TDRD7: variants seen among roughly 807,000 people sequenced by gnomAD.
TDRD7 encodes tudor domain-containing protein 7.
In TDRD7, 47 loss-of-function variants were observed where a neutral mutation model predicts 109.8. That is an observed-to-expected ratio of 0.43 (90% CI 0.34 to 0.55). The LOEUF (loss-of-function observed/expected upper bound fraction) is 0.55, where lower values mean the gene tolerates loss of function less well. TDRD7 is among the 20% of genes least tolerant of loss of function. TDRD7 has a pLI of 0.03. For synonymous variants in TDRD7, 424 were observed against 457.3 expected (o/e 0.93, Z 0.93); for missense variants, 1,164 against 1,319.2 (o/e 0.88, Z 1.82).
intron 16 of TDRD7, among the ~76,000 whole-genome samples, chr9:97,488,469 T>C (rs1829248359): frequency 2.6e-5 from 4 of 152,124 alleles, no homozygotes; most frequent in Admixed American, 2.6e-4. Context: ...AATCCTATGG[T>C]AATTGGATAT....
At chr9:97,421,629 G>A (rs1055739401) in intron 1 of TDRD7, among the ~76,000 whole-genome samples, 3 of 151,410 alleles carry the variant, frequency 2.0e-5, no homozygotes, top group Admixed American at 1.3e-4. Flanking sequence ...TCACTCTGTC[G>A]CACCATGACG....
intron 11 of TDRD7, 132 bp from the exon 12 acceptor site, chr9:97,475,251 T>C: frequency 2.7e-6 from 2 of 735,784 alleles, no homozygotes; most frequent in Non-Finnish European, 4.9e-6. Flanking sequence ...GTGTGTTTGC[T>C]GCATCCATTG....
chr9:97,417,100 G>T (rs954835140), intron 1 of TDRD7, among the ~76,000 whole-genome samples: 21 of 152,138 alleles, frequency 1.4e-4, no homozygotes, highest in Non-Finnish European at 2.9e-5. Flanking sequence ...TGAGCCACAT[G>T]TGCCCCTGGA....
intron 10 of TDRD7, among the ~76,000 whole-genome samples, chr9:97,473,136 T>C (rs1459325499): frequency 1.3e-5 from 2 of 152,240 alleles, no homozygotes; most frequent in African/African-American, 4.8e-5. Context: ...TTATTTTCAC[T>C]TCTGTTAATG....
intron 16 of TDRD7, among the ~76,000 whole-genome samples, chr9:97,491,459 C>T (rs960093497): frequency 5.3e-5 from 8 of 152,186 alleles, no homozygotes; most frequent in African/African-American, 1.9e-4. Flanking sequence ...ACTTGTAGTT[C>T]TTTGTTGAAA....
intron 4 of TDRD7, among the ~76,000 whole-genome samples, chr9:97,436,736 A>G (rs1276075404): frequency 6.6e-6 from 1 of 151,952 alleles, no homozygotes; most frequent in Non-Finnish European, 1.5e-5. Context: ...AATTTATTTT[A>G]TTTTATAGTG....
intron 16 of TDRD7, among the ~76,000 whole-genome samples, chr9:97,494,120 G>A (rs1232199788): frequency 6.6e-6 from 1 of 152,262 alleles, no homozygotes; most frequent in African/African-American, 2.4e-5. Flanking sequence ...GATTGGGGAA[G>A]TGATAAGTGT....
chr9:97,430,109 T>TTA (rs1828074382), intron 2 of TDRD7, among the ~76,000 whole-genome samples: 1 of 152,232 alleles, frequency 6.6e-6, no homozygotes, highest in African/African-American at 2.4e-5. Context: ...TGATTTCAAA[T>TTA]TAGAGTCAAA....
chr9:97,481,069 TCAG>T lies in TDRD7; in HGVS notation c.2412+134_2412+136del, dbSNP rs1359164489. On this transcript the variant is annotated intron_variant, in intron 14 of 16. Coordinates refer to ENST00000355295, the MANE Select transcript of TDRD7 (RefSeq NM_014290.3). The stretch of plus-strand genomic sequence containing the variant: ...TCCACATCCAACACATTTTTTATAT[TCAG>T]CAAATTGGCTACATGTGTAGCTGTA... The T allele has an allele frequency of 1.7e-5, 13 of 777,000 alleles. No individual in the cohort carries two copies. In the African/African-American group the frequency reaches 2.2e-4, roughly 13 times the overall value. The allele number at this position is 777,000 out of a possible 1,614,324, so 48.1% of individuals were successfully genotyped here. A position where few individuals can be genotyped will look rare whatever the true frequency, so the allele number is the denominator to read the frequency against.
intron 2 of TDRD7, among the ~76,000 whole-genome samples, chr9:97,429,730 A>G (rs960946922): frequency 3.3e-5 from 5 of 152,176 alleles, no homozygotes; most frequent in Non-Finnish European, 7.4e-5. Context: ...CCGTTATCAC[A>G]CTTGACACAA....
intron 15 of TDRD7, 77 bp from the exon 16 acceptor site, chr9:97,487,095 A>G (rs930417436): frequency 2.0e-6 from 3 of 1,468,074 alleles, no homozygotes; most frequent in Non-Finnish European, 1.9e-6. Context: ...TCTTTTTATC[A>G]TAAAATATTT....
intron 12 of TDRD7, among the ~76,000 whole-genome samples, chr9:97,476,138 C>A (rs1181177317): frequency 1.3e-5 from 2 of 152,108 alleles, no homozygotes; most frequent in Non-Finnish European, 2.9e-5. Context: ...TGCTTAATTG[C>A]TCTCCAAAGT....
At chr9:97,431,958 G>C in intron 3 of TDRD7, 67 bp from the exon 4 acceptor site, 1 of 1,368,962 alleles carries the variant, frequency 7.3e-7, no homozygotes, top group Non-Finnish European at 1.0e-6. Context: ...CTGGTCAGGG[G>C]AGTGTCATAA....
Position 97,425,886 on chromosome 9 carries a change from A to G in TDRD7, c.-6-2574A>G, listed in dbSNP as rs146814032. Reference sequence around the variant, plus strand: ...AAACCTAGACAGTAGAACCTACCACACAACTGAGCTATGTGGTATATAGCC... The same window carrying G: ...AAACCTAGACAGTAGAACCTACCACGCAACTGAGCTATGTGGTATATAGCC... On this transcript the variant is annotated intron_variant, in intron 1 of 16. Coordinates refer to ENST00000355295, the MANE Select transcript of TDRD7 (RefSeq NM_014290.3). Among the ~76,000 whole-genome samples the G allele has an allele frequency of 1.5e-3, 223 of 152,318 alleles. 1 individual carries two copies. The highest frequency in any genetic ancestry group is 5.2e-3 in the African/African-American group (218 of 41,572).
intron 9 of TDRD7, 51 bp from the exon 10 acceptor site, chr9:97,472,242 T>C: frequency 1.3e-6 from 2 of 1,514,110 alleles, no homozygotes; most frequent in Admixed American, 3.3e-5. Context: ...CTATTCATCT[T>C]GAAATGATTT....
At chr9:97,490,495 T>C (rs1347117443) in intron 16 of TDRD7, among the ~76,000 whole-genome samples, 7 of 148,074 alleles carry the variant, frequency 4.7e-5, no homozygotes, top group South Asian at 2.2e-4. Context: ...TCAAGACTTT[T>C]GTTCATCTTT....
intron 15 of TDRD7, 93 bp downstream of exon 15, chr9:97,483,444 G>C: frequency 7.1e-7 from 1 of 1,416,600 alleles, no homozygotes; most frequent in Non-Finnish European, 9.7e-7. Context: ...ACTTCGAACT[G>C]TACTAATGGG....
Position 97,483,349 on chromosome 9 carries a change from T to C in TDRD7, c.2913T>C (p.Asn971=). The C allele has an allele frequency of 1.2e-6, 2 of 1,613,566 alleles. No homozygotes were observed. The highest frequency in any genetic ancestry group is 1.6e-4 in the Middle Eastern group (1 of 6,062). ...AAGTGTATGCTGCAAAAGTGGAAAA[T>C]AAGTAGGTCCTTGGACAAAGCATTT... is the stretch of plus-strand genomic sequence containing the variant. ...KDQVYAAKVE[N]KWHRVLLKGI... Residue 971 remains asparagine, a splice_region_variant and synonymous_variant, in exon 15 of 17, where the codon AAT becomes AAC. Transcript: ENST00000355295.
At chr9:97,435,256 G>A (rs184818557) in intron 4 of TDRD7, among the ~76,000 whole-genome samples, 16 of 152,220 alleles carry the variant, frequency 1.1e-4, no homozygotes, top group Middle Eastern at 6.8e-3. Flanking sequence ...AGGGGAAACA[G>A]TGAAGGACAC....
Sources: gnomAD v4.1 joint callset for allele counts (sites outside exome capture counted in the v4.1 genomes callset) on GRCh38, gnomAD v4.1.1 for gene constraint, MANE v1.5 for transcripts, NCBI Gene and HGNC (gene_info 2026-07-23, HGNC 2026-07-21) for gene names.